Variants in KIF4A observed in about 807,000 individuals in gnomAD.
KIF4A encodes kinesin family member 4A.
KIF4A carries 7 observed loss-of-function variants against 105.9 expected under a neutral mutation model. That is an observed-to-expected ratio of 0.07 (90% CI 0.04 to 0.12). The LOEUF is 0.12. Among genes scored for constraint, KIF4A ranks in the 10% least tolerant of loss-of-function variants. The pLI is 1.00. For missense variants in KIF4A, 558 were observed against 929.2 expected (o/e 0.60, Z 5.19); for synonymous variants, 281 against 331.3 (o/e 0.85, Z 1.65).
chrX:70,385,727 T>TA (rs1310843561), intron 18 of KIF4A, among the ~76,000 whole-genome samples: 2 of 112,244 alleles, frequency 1.8e-5, no homozygotes, highest in African/African-American at 6.5e-5. Context: ...AATGGATTAT[T>TA]AGAAGAGGGA....
chrX:70,304,438 C>T (rs1285395504), intron 7 of KIF4A, among the ~76,000 whole-genome samples: 1 of 104,669 alleles, frequency 9.6e-6, no homozygotes, highest in Non-Finnish European at 1.9e-5. Flanking sequence ...GATTTATAGT[C>T]CTTTGGGTAT....
intron 7 of KIF4A, 34 bp from the exon 8 acceptor site, chrX:70,329,371 A>T: frequency 8.6e-7 from 1 of 1,158,378 alleles, no homozygotes. Flanking sequence ...TGGATGCATT[A>T]CCAAGCAATT....
Position 70,353,716 on chromosome X carries a change from A to C in KIF4A, c.1583A>C (p.Glu528Ala). The change falls in exon 15 of 31, where the codon GAG becomes GCG. Residue 528 changes from glutamate (E) to alanine (A), a missense_variant. Transcript: ENST00000374403. ...GCGCAGATGTCTAAGGAGCTGGTTG[A>C]GTTGAATAAAGCGCTTGCACTGAAA... ...RQAQMSKELV[E>A]LNKALALKEA... 1 of 1,209,362 alleles carries C rather than the reference A, an allele frequency of 8.3e-7. No homozygotes were observed. The highest frequency in any genetic ancestry group is 1.1e-6 in the Non-Finnish European group (1 of 894,336).
At chrX:70,358,557 G>A (rs928212560) in intron 15 of KIF4A, among the ~76,000 whole-genome samples, 1 of 111,352 alleles carries the variant, frequency 9.0e-6, no homozygotes, top group Non-Finnish European at 1.9e-5. Flanking sequence ...TTTTTGTGTG[G>A]ATGCATAGCC....
intron 22 of KIF4A, among the ~76,000 whole-genome samples, chrX:70,399,016 A>C (rs12845851): frequency 1.5e-4 from 17 of 111,755 alleles, no homozygotes; most frequent in Non-Finnish European, 3.0e-4. Context: ...CAGGTTTTAA[A>C]AAAACAAGCC....
At position 70,362,593 on chromosome X, in the gene KIF4A, G is replaced by A. The variant is rs180853066; in HGVS notation, c.1674+8786G>A. Among the ~76,000 whole-genome samples, 27 of 109,890 alleles carry A rather than the reference G, an allele frequency of 2.5e-4. No homozygotes were observed. The Admixed American group carries it at 2.5e-3, about 10-fold the overall frequency. On this transcript the variant is annotated intron_variant, in intron 15 of 30. Transcript: ENST00000374403. ...GTCACCCAGGCTGGAGTGTAGTGGCGCAATCTCTGCACACTGCAACCTCCA... is the reference window on the plus strand; with the variant it reads ...GTCACCCAGGCTGGAGTGTAGTGGCACAATCTCTGCACACTGCAACCTCCA...
intron 15 of KIF4A, among the ~76,000 whole-genome samples, chrX:70,371,862 G>A (rs1394316181): frequency 9.8e-6 from 1 of 101,754 alleles, no homozygotes; most frequent in Non-Finnish European, 2.0e-5. Context: ...CGGCTGCCGG[G>A]TGGAGGGGCT....
chrX:70,332,467 G>GCA (rs1243434492), intron 9 of KIF4A, among the ~76,000 whole-genome samples: 8 of 111,563 alleles, frequency 7.2e-5, no homozygotes, highest in Non-Finnish European at 1.1e-4. Context: ...AACAATGTAG[G>GCA]CAGTCATATT....
At chrX:70,316,716 G>A (rs937729200) in intron 7 of KIF4A, among the ~76,000 whole-genome samples, 20 of 111,798 alleles carry the variant, frequency 1.8e-4, no homozygotes, top group African/African-American at 6.5e-4. Flanking sequence ...AGTGTCACTT[G>A]TGCTCTCTTC....
chrX:70,378,871 A>G (rs1881705404), intron 18 of KIF4A, among the ~76,000 whole-genome samples: 1 of 110,723 alleles, frequency 9.0e-6, no homozygotes, highest in African/African-American at 3.3e-5. Context: ...AAAAAAAAAG[A>G]GGCCAGGCGC....
At chrX:70,418,928 CA>C (rs768667875) in intron 29 of KIF4A, among the ~76,000 whole-genome samples, 8 of 110,672 alleles carry the variant, frequency 7.2e-5, no homozygotes, top group African/African-American at 2.6e-4. Context: ...ACTAAAAATA[CA>C]AAAAAATTAG....
At chrX:70,407,815 C>T (rs1298780582) in intron 28 of KIF4A, among the ~76,000 whole-genome samples, 1 of 112,395 alleles carries the variant, frequency 8.9e-6, no homozygotes, top group Non-Finnish European at 1.9e-5. Context: ...CGCCTGTAAT[C>T]CCTGCACTTT....
intron 19 of KIF4A, 140 bp downstream of exon 19, chrX:70,386,841 A>G (rs1425639297): frequency 2.0e-6 from 1 of 492,135 alleles, no homozygotes; most frequent in Non-Finnish European, 3.5e-6. Context: ...AATCTTGATC[A>G]CTGTTTATAT....
rs2085754964 is a variant in KIF4A, at chrX:70,290,547, T to C, written c.89T>C (p.Met30Thr). The change falls in exon 2 of 31, where the codon ATG becomes ACG. Residue 30 changes from methionine (M) to threonine (T), a missense_variant. By Grantham distance (81) the Met-to-Thr change is moderately conservative. This residue lies in a region of KIF4A where 89 missense variants were observed against 248.8 expected (regional missense o/e 0.36). Coordinates refer to ENST00000374403, the MANE Select transcript of KIF4A (RefSeq NM_012310.5). ...AAAGAGATTAGCGAGGGCTGCCAGA[T>C]GTGCCTTTCCTTCGTGCCCGGAGAG... ...VPKEISEGCQ[M>T]CLSFVPGEPQ... is the part of the protein sequence containing the mutation. The C allele has an allele frequency of 8.3e-7, 1 of 1,211,948 alleles. No homozygotes were observed. The highest frequency in any genetic ancestry group is 1.1e-6 in the Non-Finnish European group (1 of 895,539).
intron 15 of KIF4A, among the ~76,000 whole-genome samples, chrX:70,372,932 C>T (rs1427412978): frequency 1.8e-5 from 2 of 112,234 alleles, no homozygotes; most frequent in Admixed American, 1.9e-4. Context: ...TCAAATGATT[C>T]ACTAGGAGGA....
intron 7 of KIF4A, among the ~76,000 whole-genome samples, chrX:70,316,065 A>G (rs1397002314): frequency 1.8e-5 from 2 of 111,812 alleles, no homozygotes; most frequent in African/African-American, 6.5e-5. Flanking sequence ...ACTTGGCTTA[A>G]GAACAGTCAA....
At chrX:70,394,177 C>T (rs1448904212) in intron 20 of KIF4A, among the ~76,000 whole-genome samples, 1 of 103,183 alleles carries the variant, frequency 9.7e-6, no homozygotes, top group Non-Finnish European at 2.0e-5. Flanking sequence ...AGGTGTGGTT[C>T]TTATAGGCAG....
chrX:70,388,739 T>C (rs2147730559), intron 20 of KIF4A, among the ~76,000 whole-genome samples: 1 of 112,046 alleles, frequency 8.9e-6, no homozygotes, highest in South Asian at 3.7e-4. Flanking sequence ...TTAAATTGGG[T>C]TGTTTATCTT....
intron 2 of KIF4A, 23 bp from the exon 3 acceptor site, chrX:70,290,668 G>T: frequency 1.7e-6 from 2 of 1,202,165 alleles, no homozygotes. Flanking sequence ...TTAACCTTAC[G>T]CCTTGTCCCG....
Sources: gnomAD v4.1 joint callset for allele counts (sites outside exome capture counted in the v4.1 genomes callset) on GRCh38, gnomAD v4.1.1 for gene constraint, gnomAD v4.1.1 regional missense constraint, MANE v1.5 for transcripts, NCBI Gene and HGNC (gene_info 2026-07-23, HGNC 2026-07-21) for gene names.